Variants in SCFD2 observed in about 807,000 individuals in gnomAD.
SCFD2 encodes the protein sec1 family domain-containing protein 2.
In SCFD2, 54 loss-of-function variants were observed where a neutral mutation model predicts 58.9. The ratio of observed to expected loss-of-function variants is 0.92; its 90% CI spans 0.74 to 1.15. SCFD2 has a LOEUF of 1.15. SCFD2 is among the 50% of genes most tolerant of loss of function. The pLI is 0.00. For synonymous variants in SCFD2, 321 were observed against 335.9 expected, an observed-to-expected ratio of 0.96 and a Z score of 0.49; for missense variants, 805 against 836.6, an observed-to-expected ratio of 0.96 and a Z score of 0.47.
chr4:53,230,594 G>A (rs966754625), intron 4 of SCFD2, among the ~76,000 whole-genome samples: 57 of 139,166 alleles, frequency 4.1e-4, no homozygotes, highest in Admixed American at 1.7e-3. Context: ...GACACAGGAA[G>A]GGTAGCATCA....
intron 7 of SCFD2, among the ~76,000 whole-genome samples, chr4:52,886,696 T>C (rs1313068950): frequency 6.6e-6 from 1 of 152,234 alleles, no homozygotes; most frequent in East Asian, 1.9e-4. Context: ...GCAGGTGTGA[T>C]AAACAGCCCT....
intron 5 of SCFD2, among the ~76,000 whole-genome samples, chr4:53,138,527 A>C (rs1201365788): frequency 6.6e-6 from 1 of 152,238 alleles, no homozygotes; most frequent in Admixed American, 6.5e-5. Context: ...AGAAAGCATA[A>C]CACTAATCAA....
rs146155339 is a variant in SCFD2 at position 52,991,008 on chromosome 4, A to C, written c.1562-70138T>G. Among the ~76,000 whole-genome samples, 908 of 152,274 alleles carry C rather than the reference A, an allele frequency of 6.0e-3. 4 individuals are homozygous for C. Among genetic ancestry groups the C allele is most frequent in the Middle Eastern group, 0.014 (4 of 294 alleles). ...GTGAGGCAGGCCCTTCAGTGTGCAA[A>C]ATCAGATTCTGTGATGAGGAGTAGA... On this transcript the variant is annotated intron_variant, in intron 5 of 8. Coordinates refer to ENST00000401642, the MANE Select transcript of SCFD2 (RefSeq NM_152540.4).
At chr4:53,256,712 CA>C (rs1300702379) in intron 4 of SCFD2, among the ~76,000 whole-genome samples, 1 of 151,772 alleles carries the variant, frequency 6.6e-6, no homozygotes, top group African/African-American at 2.4e-5. Context: ...CTGTCTCCAC[CA>C]AAAAAATACG....
intron 5 of SCFD2, among the ~76,000 whole-genome samples, chr4:52,939,057 C>G (rs758714358): frequency 3.4e-4 from 51 of 152,210 alleles, no homozygotes; most frequent in Middle Eastern, 6.8e-3. Flanking sequence ...CTGGCAGAAC[C>G]CTCATAGATC....
In SCFD2 at chr4:52,907,410, A is replaced by G. The variant is rs1384301727; in HGVS notation, c.1842+47T>C. 4.4e-6 allele frequency: 7 copies of G among 1,593,862 alleles called. No homozygotes were observed. In the South Asian group the frequency reaches 7.7e-5, roughly 18 times the overall value. ...GGTGCCAGCATTTTCATGCCCAGCA[A>G]AGAGAACATTTCTACACTCAGGATT... On this transcript the variant is annotated intron_variant, in intron 7 of 8. Coordinates refer to ENST00000401642, the MANE Select transcript of SCFD2 (RefSeq NM_152540.4).
At chr4:53,314,865 C>T (rs1479135595) in intron 2 of SCFD2, among the ~76,000 whole-genome samples, 1 of 152,106 alleles carries the variant, frequency 6.6e-6, no homozygotes, top group African/African-American at 2.4e-5. Flanking sequence ...AATATTACTG[C>T]TCAACATACT....
intron 4 of SCFD2, among the ~76,000 whole-genome samples, chr4:53,155,869 C>A (rs1241238565): frequency 1.3e-5 from 2 of 152,116 alleles, no homozygotes; most frequent in Non-Finnish European, 2.9e-5. Flanking sequence ...TCCATGAGGT[C>A]AAAATTATTT....
intron 3 of SCFD2, among the ~76,000 whole-genome samples, chr4:53,296,243 T>A (rs1732025868): frequency 6.6e-6 from 1 of 152,212 alleles, no homozygotes; most frequent in Admixed American, 6.5e-5. Context: ...TGTGGTAGAA[T>A]TTGGCTATGA....
intron 5 of SCFD2, among the ~76,000 whole-genome samples, chr4:52,960,470 G>T (rs1446226985): frequency 6.6e-6 from 1 of 151,558 alleles, no homozygotes; most frequent in East Asian, 1.9e-4. Flanking sequence ...CCGGGTTCAA[G>T]TGATTCTCCT....
chr4:53,199,750 T>C (rs1728168516), intron 4 of SCFD2, among the ~76,000 whole-genome samples: 1 of 152,156 alleles, frequency 6.6e-6, no homozygotes, highest in Non-Finnish European at 1.5e-5. Context: ...GGAAGCTACC[T>C]GTCCCCGTAC....
chr4:53,257,172 T>C (rs1034529891), intron 4 of SCFD2, among the ~76,000 whole-genome samples: 4 of 150,900 alleles, frequency 2.7e-5, no homozygotes, highest in Non-Finnish European at 5.9e-5. Context: ...CCAAACCAGG[T>C]GGTAGAATGT....
chr4:53,174,485 C>T (rs1309872179), intron 4 of SCFD2, among the ~76,000 whole-genome samples: 3 of 152,102 alleles, frequency 2.0e-5, no homozygotes, highest in African/African-American at 4.8e-5. Context: ...AAAGTGGCTG[C>T]AGATGTATCA....
At chr4:53,021,039 T>C (rs1040257881) in intron 5 of SCFD2, among the ~76,000 whole-genome samples, 1 of 152,198 alleles carries the variant, frequency 6.6e-6, no homozygotes, top group Non-Finnish European at 1.5e-5. Context: ...TTAAAAGTGT[T>C]ACATTCTTTT....
intron 3 of SCFD2, among the ~76,000 whole-genome samples, chr4:53,276,207 T>G (rs1171918117): frequency 6.7e-6 from 1 of 150,248 alleles, no homozygotes; most frequent in Admixed American, 6.6e-5. Context: ...TTATGTTAAG[T>G]TTACAACAAA....
At chr4:53,122,475 C>T (rs532667206) in intron 5 of SCFD2, among the ~76,000 whole-genome samples, 2 of 152,096 alleles carry the variant, frequency 1.3e-5, no homozygotes, top group Non-Finnish European at 2.9e-5. Flanking sequence ...TCAGCATAAA[C>T]CCTATCCTGC....
intron 5 of SCFD2, among the ~76,000 whole-genome samples, chr4:53,130,801 T>C (rs28629793): frequency 0.02 from 3,074 of 152,190 alleles, 117 homozygotes; most frequent in African/African-American, 0.07. Context: ...CAGAGGCAGT[T>C]GTGATAGGAA....
At chr4:52,900,848 C>T (rs1036425135) in intron 7 of SCFD2, among the ~76,000 whole-genome samples, 5 of 152,186 alleles carry the variant, frequency 3.3e-5, no homozygotes, top group African/African-American at 1.2e-4. Flanking sequence ...TGGCGGGCAC[C>T]CCTCCCCCAG....
chr4:52,925,555 C>T (rs1328486775), intron 5 of SCFD2, among the ~76,000 whole-genome samples: 1 of 152,014 alleles, frequency 6.6e-6, no homozygotes, highest in African/African-American at 2.4e-5. Context: ...GCATCCCGGG[C>T]CTGGTTGCAC....
Sources: allele counts gnomAD v4.1 joint callset (sites outside exome capture counted in the v4.1 genomes callset), GRCh38; gene constraint gnomAD v4.1.1; transcripts MANE v1.5; gene names NCBI Gene and HGNC (gene_info 2026-07-23, HGNC 2026-07-21).